The following STPG2 variants were observed in gnomAD, a reference collection of about 807,000 sequenced individuals.
The protein encoded by STPG2 is sperm tail PG-rich repeat containing 2.
In STPG2, 56 loss-of-function variants were observed where a neutral mutation model predicts 54.2. The observed-to-expected ratio is 1.03, with a 90% CI of 0.83 to 1.29. The LOEUF (loss-of-function observed/expected upper bound fraction) is 1.29. Among genes scored for constraint, STPG2 ranks in the 50% most tolerant of loss-of-function variants. The pLI, the probability that STPG2 is intolerant of heterozygous loss-of-function variation, is 0.00. For missense variants in STPG2, 596 were observed against 544.9 expected (o/e 1.09, Z -0.93); for synonymous variants, 200 against 181.8 (o/e 1.10, Z -0.81).
At chr4:97,508,195 A>T (rs1730894170) in intron 4 of STPG2, among the ~76,000 whole-genome samples, 1 of 152,048 alleles carries the variant, frequency 6.6e-6, no homozygotes, top group Admixed American at 6.6e-5. Flanking sequence ...ATACATCCAT[A>T]AGGGTATAGG....
intron 4 of STPG2, among the ~76,000 whole-genome samples, chr4:97,456,137 T>G (rs1186039250): frequency 6.6e-6 from 1 of 152,178 alleles, no homozygotes; most frequent in Non-Finnish European, 1.5e-5. Context: ...AAAAGACATA[T>G]TTGATTATAT....
At chr4:97,557,947 C>A (rs1732118649), downstream of STPG2, among the ~76,000 whole-genome samples, 1 of 152,190 alleles carries the variant, frequency 6.6e-6, no homozygotes, top group Non-Finnish European at 1.5e-5. Flanking sequence ...GTGACATACA[C>A]AAATGAGAAA....
At chr4:97,979,579 T>C (rs1734602803) in intron 6 of STPG2, among the ~76,000 whole-genome samples, 1 of 152,140 alleles carries the variant, frequency 6.6e-6, no homozygotes, top group Admixed American at 6.6e-5. Context: ...TCTGCACTTA[T>C]ACCTGACTTA....
intron 4 of STPG2, among the ~76,000 whole-genome samples, chr4:97,547,129 G>C (rs982744764): frequency 5.3e-5 from 8 of 151,998 alleles, no homozygotes; most frequent in African/African-American, 1.9e-4. Flanking sequence ...AATGAAAAGG[G>C]TAAAAGGGCT....
intron 4 of STPG2, among the ~76,000 whole-genome samples, chr4:97,523,727 G>T (rs1166343749): frequency 6.6e-6 from 1 of 151,956 alleles, no homozygotes; most frequent in Non-Finnish European, 1.5e-5. Context: ...TGTGTCCCCT[G>T]TAAGCTGAAA....
At chr4:97,876,845 C>T (rs950590507) in intron 8 of STPG2, among the ~76,000 whole-genome samples, 13 of 151,618 alleles carry the variant, frequency 8.6e-5, no homozygotes, top group Non-Finnish European at 7.4e-5. Flanking sequence ...GTTTTCTTAG[C>T]CTGGAAATAA....
intron 10 of STPG2, among the ~76,000 whole-genome samples, chr4:97,658,442 G>A (rs1337539868): frequency 6.6e-6 from 1 of 152,174 alleles, no homozygotes; most frequent in East Asian, 1.9e-4. Context: ...GACAGGCGTG[G>A]CCTAGTAGGC....
At chr4:97,499,430 G>A (rs544228173) in intron 4 of STPG2, among the ~76,000 whole-genome samples, 5 of 152,020 alleles carry the variant, frequency 3.3e-5, no homozygotes, top group East Asian at 1.9e-4. Flanking sequence ...GAGGAAATAC[G>A]AGTGAACAAA....
Position 97,635,077 on chromosome 4 carries a change from G to C in STPG2, c.1321-75960C>G, listed in dbSNP as rs545194744. Among the ~76,000 whole-genome samples, 28 of 151,924 alleles carry C rather than the reference G, an allele frequency of 1.8e-4. No homozygotes were observed. The South Asian group carries it at 5.4e-3, about 29-fold the overall frequency. On this transcript the variant is annotated intron_variant, in intron 10 of 10. Coordinates refer to ENST00000295268, the MANE Select transcript of STPG2 (RefSeq NM_174952.3). ...GTTGAAATGAAGGAAAAAATGTTAA[G>C]GGCAGCCAGAGAGAAAGGTCGGGTT...
chr4:97,928,611 T>C (rs1434369959), intron 8 of STPG2, among the ~76,000 whole-genome samples: 1 of 152,144 alleles, frequency 6.6e-6, no homozygotes, highest in Non-Finnish European at 1.5e-5. Flanking sequence ...ATTAGGTCTT[T>C]AAGGGATTTT....
intron 5 of STPG2, among the ~76,000 whole-genome samples, chr4:98,036,997 T>C (rs2149304330): frequency 6.6e-6 from 1 of 152,150 alleles, no homozygotes; most frequent in African/African-American, 2.4e-5. Flanking sequence ...CTTTAAAAAA[T>C]AGTAAACCTG....
At chr4:97,730,722 A>T (rs544939392) in intron 9 of STPG2, among the ~76,000 whole-genome samples, 9 of 152,208 alleles carry the variant, frequency 5.9e-5, no homozygotes, top group Admixed American at 1.3e-4. Flanking sequence ...CATTTTTTTT[A>T]AATCTTTTTT....
chr4:97,691,137 C>T (rs1184742206), intron 10 of STPG2, among the ~76,000 whole-genome samples: 2 of 152,110 alleles, frequency 1.3e-5, no homozygotes, highest in Admixed American at 1.3e-4. Flanking sequence ...CCACAGGAAG[C>T]TATCAGGAAA....
At chr4:97,942,133 ATG>A (rs936096833) in intron 8 of STPG2, among the ~76,000 whole-genome samples, 3 of 150,398 alleles carry the variant, frequency 2.0e-5, no homozygotes, top group African/African-American at 4.9e-5. Flanking sequence ...AAATATATAT[ATG>A]TGTGTATATA....
intron 7 of STPG2, among the ~76,000 whole-genome samples, chr4:97,971,596 A>C (rs1734328592): frequency 6.6e-6 from 1 of 152,154 alleles, no homozygotes. Flanking sequence ...GGAATTAAAC[A>C]ATGAGAACAC....
intron 10 of STPG2, among the ~76,000 whole-genome samples, chr4:97,560,136 T>C (rs959336391): frequency 6.6e-6 from 1 of 152,156 alleles, no homozygotes; most frequent in African/African-American, 2.4e-5. Context: ...TCCAAAGCAG[T>C]GTAGTACAGT....
chr4:97,946,802 G>A (rs1408170308), intron 7 of STPG2, among the ~76,000 whole-genome samples: 1 of 152,060 alleles, frequency 6.6e-6, no homozygotes, highest in Non-Finnish European at 1.5e-5. Flanking sequence ...CAGCCTTGTA[G>A]TACAATCTGA....
chr4:98,114,300 C>T (rs922287744), intron 3 of STPG2, among the ~76,000 whole-genome samples: 1 of 151,990 alleles, frequency 6.6e-6, no homozygotes, highest in African/African-American at 2.4e-5. Flanking sequence ...TAAAGCAGAA[C>T]ATCATAATTG....
At chr4:97,533,526 T>C (rs1176036547) in intron 4 of STPG2, among the ~76,000 whole-genome samples, 1 of 152,186 alleles carries the variant, frequency 6.6e-6, no homozygotes, top group Non-Finnish European at 1.5e-5. Context: ...TTGAATCATA[T>C]ATAACATTTC....
Sources: gnomAD v4.1 joint callset for allele counts (sites outside exome capture counted in the v4.1 genomes callset) on GRCh38, gnomAD v4.1.1 for gene constraint, MANE v1.5 for transcripts, NCBI Gene and HGNC (gene_info 2026-07-23, HGNC 2026-07-21) for gene names.